TUBE1: variants seen among roughly 807,000 people sequenced by gnomAD.
TUBE1 encodes the protein tubulin epsilon chain.
In TUBE1, 34 loss-of-function variants were observed where a neutral mutation model predicts 53.5. That is an observed-to-expected ratio of 0.64 (90% CI 0.48 to 0.85). The LOEUF is 0.85. TUBE1 is among the 40% of genes least tolerant of loss of function. The pLI is 0.00. For synonymous variants in TUBE1, 177 were observed against 198.4 expected (o/e 0.89, Z 0.91); for missense variants, 532 against 570.5 (o/e 0.93, Z 0.69).
intron 3 of TUBE1, 124 bp from the exon 4 acceptor site, chr6:112,084,370 C>T (rs1583598835): frequency 2.8e-6 from 2 of 725,296 alleles, no homozygotes; most frequent in Non-Finnish European, 4.8e-6. Flanking sequence ...GCAGACACAA[C>T]AGCTATTCCT....
At position 112,070,894 on chromosome 6, in the gene TUBE1, G is replaced by A. The variant is rs1462663299; in HGVS notation, c.*518C>T. 1 of 152,104 alleles carries A rather than the reference G, an allele frequency of 6.6e-6. No homozygotes were observed. The highest frequency in any genetic ancestry group is 1.5e-5 in the Non-Finnish European group (1 of 67,988). The allele number at this position is 152,104 out of a possible 1,614,324, so 9.4% of individuals were successfully genotyped here. A position where few individuals can be genotyped will look rare whatever the true frequency, so the allele number is the denominator to read the frequency against. ...AATTAGGATTCTTTTGGGCAAACAA[G>A]TTGTTATCTAAAGAAGAAGCAAAAC... On this transcript the variant is annotated 3_prime_UTR_variant, in exon 12 of 12. Transcript: ENST00000368662.
rs781833721 is a variant in TUBE1 at position 112,075,064 on chromosome 6, C to CTTT, written c.813-217_813-215dup. ...CACACAACATCTACATTTTTTTTTT[C>CTTT]TTTCTTTTTTTTTTTTTTTTGAGAC... On this transcript the variant is annotated intron_variant, in intron 8 of 11. Transcript: ENST00000368662. The CTTT allele has an allele frequency of 8.0e-4, 132 of 165,272 alleles. 5 individuals are homozygous for CTTT. Among genetic ancestry groups the CTTT allele is most frequent in the Non-Finnish European group, 9.7e-4 (85 of 87,950 alleles). 10.2% of individuals were successfully genotyped at this position (165,272 alleles called of 1,614,324 possible). A position where few individuals can be genotyped will look rare whatever the true frequency, so the allele number is the denominator to read the frequency against.
chr6:112,085,738 G>T (rs1404631477), intron 3 of TUBE1: 4 of 471,052 alleles, frequency 8.5e-6, no homozygotes, highest in Admixed American at 7.1e-5. Context: ...TTTTCAGTTA[G>T]ATTTCCTACA....
chr6:112,071,942 A>G lies in TUBE1; in HGVS notation c.1229T>C (p.Met410Thr). Reference protein sequence around the residue: ...ANNTCVKPTFMELKERFMRLY... With the variant: ...ANNTCVKPTFTELKERFMRLY... Reference sequence around the variant, plus strand: ...CCTCATGAATCTCTCTTTCAGTTCCATGAAGGTGGGCTTCACACATGTGTT... The same window carrying G: ...CCTCATGAATCTCTCTTTCAGTTCCGTGAAGGTGGGCTTCACACATGTGTT... The change falls in exon 11 of 12, where the codon ATG becomes ACG. Residue 410 changes from methionine (M) to threonine (T), a missense_variant. Met to Thr is a moderately conservative substitution (Grantham distance 81, BLOSUM62 -1). Coordinates refer to ENST00000368662, the MANE Select transcript of TUBE1 (RefSeq NM_016262.5). 1.2e-6 allele frequency: 2 copies of G among 1,611,010 alleles called. No individual in the cohort carries two copies. The highest frequency in any genetic ancestry group is 8.5e-7 in the Non-Finnish European group (1 of 1,179,170).
At position 112,084,060 on chromosome 6, in the gene TUBE1, T is replaced by C; in HGVS notation, c.210+129A>G. 3 of 713,512 alleles carry C rather than the reference T, an allele frequency of 4.2e-6. No individual in the cohort carries two copies. The East Asian group carries it at 8.2e-5, about 20-fold the overall frequency. 44.2% of individuals were successfully genotyped at this position (713,512 alleles called of 1,614,324 possible). A position where few individuals can be genotyped will look rare whatever the true frequency, so the allele number is the denominator to read the frequency against. Reference sequence around the variant, plus strand: ...GACACAAATGTCTGCTTAGTTATATTTATATTAAATGTGGCTTAGTAATTT... The same window carrying C: ...GACACAAATGTCTGCTTAGTTATATCTATATTAAATGTGGCTTAGTAATTT... On this transcript the variant is annotated intron_variant, in intron 4 of 11. Coordinates refer to ENST00000368662, the MANE Select transcript of TUBE1 (RefSeq NM_016262.5).
chr6:112,080,795 A>G (rs1554316666), intron 5 of TUBE1, among the ~76,000 whole-genome samples: 2 of 152,118 alleles, frequency 1.3e-5, no homozygotes, highest in Non-Finnish European at 2.9e-5. Flanking sequence ...AATAACATAG[A>G]TAACAGTTAA....
In TUBE1 at chr6:112,087,202, G is replaced by A. The variant is rs116744223; in HGVS notation, c.99+31C>T. 1,789 of 1,545,726 alleles carry A rather than the reference G, an allele frequency of 1.2e-3. 22 individuals are homozygous for A. The African/African-American group carries it at 0.021, about 18-fold the overall frequency. On this transcript the variant is annotated intron_variant, in intron 2 of 11. Transcript: ENST00000368662. ...TATGGGCTGGAAGACCTAGCTGACA[G>A]GCGAGGGGGCTCGCGGCGGCGGGCG...
rs188661387 is a variant in TUBE1, at chr6:112,074,958, T to C, written c.813-108A>G. The C allele has an allele frequency of 1.2e-4, 82 of 657,182 alleles. No individual in the cohort carries two copies. The African/African-American group carries it at 1.4e-3, about 11-fold the overall frequency. The allele number at this position is 657,182 out of a possible 1,614,324, so 40.7% of individuals were successfully genotyped here. A position where few individuals can be genotyped will look rare whatever the true frequency, so the allele number is the denominator to read the frequency against. ...GTTTCTTAAATTCTTTTGTACACTG[T>C]TCTTCAGTGCAGAACACATGCTTTT... On this transcript the variant is annotated intron_variant, in intron 8 of 11. Transcript: ENST00000368662.
At chr6:112,084,358 AG>A (rs1210049509) in intron 3 of TUBE1, 112 bp from the exon 4 acceptor site, 1 of 810,886 alleles carries the variant, frequency 1.2e-6, no homozygotes, top group Non-Finnish European at 2.1e-6. Context: ...AGGCCAGGTA[AG>A]GCAGACACAA....
At chr6:112,085,519 G>A (rs1474582852) in intron 3 of TUBE1, 11 of 366,182 alleles carry the variant, frequency 3.0e-5, no homozygotes, top group East Asian at 3.0e-4. Context: ...CAAGAGAAGC[G>A]CCGGAAAGGA....
chr6:112,087,268 C>G lies in TUBE1; in HGVS notation c.64G>C (p.Asp22His). ...CGNQIGCCFW[D>H]LALREHAAVN... The stretch of plus-strand genomic sequence containing the variant: ...GCGGCGTGCTCCCTTAGTGCCAGGT[C>G]CCAGAAGCAGCAGCCGATCTGGTTT... Residue 22 changes from aspartate (D) to histidine (H), a missense_variant, in exon 2 of 12, where the codon GAC (aspartate) becomes CAC (histidine). Transcript: ENST00000368662. 6.4e-7 allele frequency: 1 copy of G among 1,551,866 alleles called. No individual in the cohort carries two copies. Among genetic ancestry groups the G allele is most frequent in the East Asian group, 2.4e-5 (1 of 40,968 alleles).
At chr6:112,072,951 A>G (rs1776895283) in intron 9 of TUBE1, 53 bp from the exon 10 acceptor site, 1 of 1,575,894 alleles carries the variant, frequency 6.3e-7, no homozygotes, top group Non-Finnish European at 8.7e-7. Context: ...CTTTCTATGT[A>G]TAACTATAAA....
chr6:112,076,248 A>G (rs1776965953), intron 7 of TUBE1, 74 bp downstream of exon 7: 2 of 1,471,148 alleles, frequency 1.4e-6, no homozygotes, highest in East Asian at 4.6e-5. Context: ...AGAACGTTTC[A>G]TATAAACACA....
At chr6:112,072,725 C>T (rs1267793971) in intron 10 of TUBE1, 33 bp downstream of exon 10, 3 of 1,606,744 alleles carry the variant, frequency 1.9e-6, no homozygotes, top group Non-Finnish European at 2.5e-6. Context: ...CCAAGCAGCA[C>T]ACACAAATTA....
intron 6 of TUBE1, 125 bp downstream of exon 6, chr6:112,079,508 A>T: frequency 1.1e-6 from 1 of 880,788 alleles, no homozygotes; most frequent in Non-Finnish European, 1.7e-6. Flanking sequence ...ATATACTCAA[A>T]CTACACACCC....
rs782413988 is a variant in TUBE1 at position 112,081,113 on chromosome 6, A to T, written c.305T>A (p.Ile102Asn). Residue 102 changes from isoleucine to asparagine, a missense_variant, in exon 5 of 12, where the codon ATT becomes AAT. Coordinates refer to ENST00000368662, the MANE Select transcript of TUBE1 (RefSeq NM_016262.5). Reference sequence around the variant, plus strand: ...TCACCAATTATTTCCTGAGCCAGAAATATCAGTGATGAGCTGTTTCGTATC... The same window carrying T: ...TCACCAATTATTTCCTGAGCCAGAATTATCAGTGATGAGCTGTTTCGTATC... The part of the protein sequence containing the change: ...VFDTKQLITD[I>N]SGSGNNWAVG... 3.1e-6 allele frequency: 5 copies of T among 1,602,050 alleles called. No individual in the cohort carries two copies. In the South Asian group the frequency reaches 4.5e-5, roughly 14 times the overall value.
chr6:112,074,430 G>A (rs782798697), intron 9 of TUBE1, among the ~76,000 whole-genome samples: 3 of 152,066 alleles, frequency 2.0e-5, no homozygotes, highest in Admixed American at 6.5e-5. Flanking sequence ...TGTAGCTAGC[G>A]ACAGTTAGGA....
At position 112,076,514 on chromosome 6, in the gene TUBE1, G is replaced by C; in HGVS notation, c.449-5C>G. 1 of 1,564,898 alleles carries C rather than the reference G, an allele frequency of 6.4e-7. No individual in the cohort carries two copies. The highest frequency in any genetic ancestry group is 1.4e-5 in the African/African-American group (1 of 72,388). ...TGCCAAGTCCAGATCCTGTTCCTGA[G>C]GATTAAAGTGTTTTTAAAAATTAGC... On this transcript the variant is annotated splice_polypyrimidine_tract_variant and splice_region_variant and intron_variant, in intron 6 of 11. Coordinates refer to ENST00000368662, the MANE Select transcript of TUBE1 (RefSeq NM_016262.5).
In TUBE1 at chr6:112,084,137, T is replaced by G. The variant is rs1002334645; in HGVS notation, c.210+52A>C. On this transcript the variant is annotated intron_variant, in intron 4 of 11. Transcript: ENST00000368662. ...TTATTCTCATGATAGTTACTGAGAA[T>G]AGTTATTTAAAAAATACATGTAATA... The G allele has an allele frequency of 1.3e-5, 18 of 1,381,402 alleles. No homozygotes were observed. In the African/African-American group the frequency reaches 2.4e-4, roughly 19 times the overall value. 85.6% of individuals were successfully genotyped at this position (1,381,402 alleles called of 1,614,324 possible).
Sources: allele counts gnomAD v4.1 joint callset (sites outside exome capture counted in the v4.1 genomes callset), GRCh38; gene constraint gnomAD v4.1.1; transcripts MANE v1.5; gene names NCBI Gene and HGNC (gene_info 2026-07-23, HGNC 2026-07-21).